The following FBXL20 variants were observed in gnomAD, a reference collection of about 807,000 sequenced individuals.
FBXL20 encodes the protein F-box and leucine rich repeat protein 20.
A neutral mutation model predicts 64.0 loss-of-function variants in FBXL20; 11 were observed. That is an observed-to-expected ratio of 0.17 (90% CI 0.11 to 0.28). The LOEUF is 0.28. Ranked by LOEUF, FBXL20 falls within the 10% of genes least tolerant of loss-of-function variation. The pLI is 1.00. For synonymous variants in FBXL20, 184 were observed against 189.0 expected (o/e 0.97, Z 0.22); for missense variants, 303 against 526.2 (o/e 0.58, Z 4.15).
At chr17:39,343,335 G>A (rs2047600657) in intron 1 of FBXL20, 94 bp from the exon 2 acceptor site, 16 of 862,954 alleles carry the variant, frequency 1.9e-5, no homozygotes, top group Middle Eastern at 2.6e-4. Context: ...TCAGGAAAGA[G>A]GTAAAAAAAT....
chr17:39,363,833 A>AAAAAAC (rs2047827465), intron 1 of FBXL20, among the ~76,000 whole-genome samples: 2 of 142,676 alleles, frequency 1.4e-5, no homozygotes, highest in Non-Finnish European at 3.0e-5. Context: ...AAAACAAAAA[A>AAAAAAC]CAAAAAAAAA....
chr17:39,347,372 G>C (rs2047644036), intron 1 of FBXL20, among the ~76,000 whole-genome samples: 1 of 152,110 alleles, frequency 6.6e-6, no homozygotes, highest in Non-Finnish European at 1.5e-5. Context: ...ACTTTTTAAT[G>C]ATCGCCATTC....
At chr17:39,331,989 T>A (rs959776981) in intron 2 of FBXL20, among the ~76,000 whole-genome samples, 1 of 152,218 alleles carries the variant, frequency 6.6e-6, no homozygotes, top group African/African-American at 2.4e-5. Flanking sequence ...AATGTAACAA[T>A]ACATGCCTAA....
intron 1 of FBXL20, among the ~76,000 whole-genome samples, chr17:39,355,234 A>T (rs1352248988): frequency 6.6e-6 from 1 of 151,586 alleles, no homozygotes; most frequent in Non-Finnish European, 1.5e-5. Flanking sequence ...GCCCGGCCTA[A>T]AATTTCTTGA....
At chr17:39,264,759 G>T (rs1029639641) in intron 13 of FBXL20, among the ~76,000 whole-genome samples, 3 of 152,156 alleles carry the variant, frequency 2.0e-5, no homozygotes, top group Admixed American at 1.3e-4. Context: ...ACTAAATATT[G>T]AATATCTGGT....
At chr17:39,390,204 A>G (rs931545894) in intron 1 of FBXL20, among the ~76,000 whole-genome samples, 8 of 152,088 alleles carry the variant, frequency 5.3e-5, no homozygotes, top group Non-Finnish European at 1.0e-4. Flanking sequence ...TTGGGAAGCC[A>G]AGGTCCAGGA....
chr17:39,285,571 G>A lies in FBXL20; in HGVS notation c.401C>T (p.Thr134Ile), dbSNP rs568075732. The A allele has an allele frequency of 1.3e-6, 2 of 1,587,512 alleles. No individual in the cohort carries two copies. Among genetic ancestry groups the A allele is most frequent in the African/African-American group, 1.3e-5 (1 of 74,198 alleles). ...LNGCTKTTDA[T>I]CTSLSKFCSK... is the part of the protein sequence containing the mutation. ...ACAGAACTTGCTAAGGCTAGTACAT[G>A]TACTGAAAAATGGAAAAAGGAGAAA... The change falls in exon 7 of 15, where the codon ACA (threonine) becomes ATA (isoleucine). Residue 134 changes from threonine to isoleucine, a missense_variant and splice_region_variant. By Grantham distance (89) the Thr-to-Ile change is moderately conservative. Around this residue, in one of 3 missense-constraint regions of FBXL20, gnomAD observed 246 missense variants for 422.6 expected, o/e 0.58. Coordinates refer to ENST00000264658, the MANE Select transcript of FBXL20 (RefSeq NM_032875.3).
chr17:39,284,456 C>A (rs1022922688), intron 7 of FBXL20, among the ~76,000 whole-genome samples: 1 of 152,220 alleles, frequency 6.6e-6, no homozygotes. Flanking sequence ...TTACAGCTCA[C>A]TGCAGCCTCA....
intron 1 of FBXL20, among the ~76,000 whole-genome samples, chr17:39,392,334 G>T (rs1323972866): frequency 6.6e-6 from 1 of 151,648 alleles, no homozygotes; most frequent in African/African-American, 2.4e-5. Context: ...CAGCTACTCA[G>T]GAGGCTGAGG....
At chr17:39,304,527 C>A (rs571415705) in intron 2 of FBXL20, among the ~76,000 whole-genome samples, 23 of 152,230 alleles carry the variant, frequency 1.5e-4, no homozygotes, top group South Asian at 4.1e-4. Context: ...TGAGCTCAAG[C>A]AATCCTCCTG....
intron 1 of FBXL20, among the ~76,000 whole-genome samples, chr17:39,377,909 A>G (rs2047983591): frequency 6.6e-6 from 1 of 152,028 alleles, no homozygotes; most frequent in African/African-American, 2.4e-5. Context: ...GCTACACAGG[A>G]GGATGAGGTG....
At chr17:39,335,960 G>A (rs1450485379) in intron 2 of FBXL20, among the ~76,000 whole-genome samples, 1 of 152,136 alleles carries the variant, frequency 6.6e-6, no homozygotes, top group Non-Finnish European at 1.5e-5. Flanking sequence ...GGTCAACAAA[G>A]TGAGTCCCCA....
intron 1 of FBXL20, among the ~76,000 whole-genome samples, chr17:39,394,975 A>C (rs1356746781): frequency 1.3e-5 from 2 of 152,210 alleles, no homozygotes. Flanking sequence ...GAAAGCACTT[A>C]TAAATTTGCA....
intron 6 of FBXL20, among the ~76,000 whole-genome samples, chr17:39,291,349 G>T (rs111596549): frequency 0.028 from 4,242 of 149,922 alleles, 86 homozygotes; most frequent in African/African-American, 0.056. Flanking sequence ...TTCCTTTTTG[G>T]TAGGTAGGGA....
chr17:39,388,434 T>C (rs1220653393), intron 1 of FBXL20, among the ~76,000 whole-genome samples: 1 of 150,996 alleles, frequency 6.6e-6, no homozygotes, highest in African/African-American at 2.4e-5. Flanking sequence ...GGCTCCAGCC[T>C]GGGCAACAGA....
intron 1 of FBXL20, among the ~76,000 whole-genome samples, chr17:39,355,392 T>C (rs1034172438): frequency 6.6e-6 from 1 of 152,198 alleles, no homozygotes; most frequent in African/African-American, 2.4e-5. Context: ...TCATATATTT[T>C]AAATAGCCCT....
intron 10 of FBXL20, 26 bp from the exon 11 acceptor site, chr17:39,270,882 GAA>G: frequency 6.9e-7 from 1 of 1,452,456 alleles, no homozygotes; most frequent in Non-Finnish European, 9.4e-7. Flanking sequence ...AAAAAACAGT[GAA>G]AGTCAAGCTC....
intron 2 of FBXL20, among the ~76,000 whole-genome samples, chr17:39,338,160 G>A (rs1278751292): frequency 1.3e-5 from 2 of 152,230 alleles, no homozygotes; most frequent in African/African-American, 4.8e-5. Flanking sequence ...GAAGGAAGTA[G>A]ACATGGGAGA....
At chr17:39,397,663 G>T (rs909531134) in intron 1 of FBXL20, among the ~76,000 whole-genome samples, 1 of 152,116 alleles carries the variant, frequency 6.6e-6, no homozygotes, top group Non-Finnish European at 1.5e-5. Context: ...CACTTAAAAT[G>T]AAGGCAGTCA....
Sources: gnomAD v4.1 joint callset for allele counts (sites outside exome capture counted in the v4.1 genomes callset) on GRCh38, gnomAD v4.1.1 for gene constraint, gnomAD v4.1.1 regional missense constraint, MANE v1.5 for transcripts, NCBI Gene and HGNC (gene_info 2026-07-23, HGNC 2026-07-21) for gene names.